The following USP31 variants were observed in gnomAD, a reference collection of about 807,000 sequenced individuals.
USP31 encodes ubiquitin specific peptidase 31.
USP31 carries 44 observed loss-of-function variants against 119.4 expected under a neutral mutation model. That is an observed-to-expected ratio of 0.37 (90% CI 0.29 to 0.47). The LOEUF (loss-of-function observed/expected upper bound fraction) is 0.47. Ranked by LOEUF, USP31 falls within the 20% of genes least tolerant of loss-of-function variation. The pLI, the probability that USP31 is intolerant of heterozygous loss-of-function variation, is 0.99. For synonymous variants in USP31, 749 were observed against 705.6 expected, an observed-to-expected ratio of 1.06 and a Z score of -0.97; for missense variants, 1,643 against 1,730.2, an observed-to-expected ratio of 0.95 and a Z score of 0.89.
chr16:23,104,068 C>T (rs903373184), intron 5 of USP31, among the ~76,000 whole-genome samples: 5 of 152,158 alleles, frequency 3.3e-5, no homozygotes, highest in South Asian at 2.1e-4. Context: ...GGTTCTGGTC[C>T]GGCCTGTCAT....
chr16:23,140,462 C>T (rs1422632016), intron 1 of USP31, among the ~76,000 whole-genome samples: 1 of 152,146 alleles, frequency 6.6e-6, no homozygotes, highest in Non-Finnish European at 1.5e-5. Flanking sequence ...AGCAAGAGTG[C>T]CAAGGCCGAG....
intron 1 of USP31, among the ~76,000 whole-genome samples, chr16:23,117,760 T>TTTTTTTTTTTTTTTG (rs1555468289): frequency 6.9e-6 from 1 of 145,014 alleles, no homozygotes; most frequent in Non-Finnish European, 1.5e-5. Context: ...TCTTTTTTTT[T>TTTTTTTTTTTTTTTG]TTGTTGTTGT....
chr16:23,117,968 T>C (rs1449692775), intron 1 of USP31, among the ~76,000 whole-genome samples: 2 of 152,284 alleles, frequency 1.3e-5, no homozygotes, highest in East Asian at 3.9e-4. Flanking sequence ...TTTGTATTTT[T>C]AGTAGAGATG....
intron 13 of USP31, among the ~76,000 whole-genome samples, chr16:23,074,709 C>T (rs1249219182): frequency 6.6e-6 from 1 of 152,140 alleles, no homozygotes; most frequent in South Asian, 2.1e-4. Flanking sequence ...AGCTCATGAA[C>T]GCAGGAGGAC....
chr16:23,113,914 G>A (rs1057419056), intron 1 of USP31, among the ~76,000 whole-genome samples: 4 of 152,180 alleles, frequency 2.6e-5, no homozygotes, highest in Non-Finnish European at 5.9e-5. Flanking sequence ...ATATCAGCCT[G>A]GCCAACATGG....
Position 23,105,563 on chromosome 16 carries a change from T to G in USP31, c.967A>C (p.Thr323Pro). 6.2e-7 allele frequency: 1 copy of G among 1,613,848 alleles called. No homozygotes were observed. The highest frequency in any genetic ancestry group is 8.5e-7 in the Non-Finnish European group (1 of 1,179,938). The part of the protein sequence containing the change: ...PLPHTRPLYV[T>P]VVYQGKCSHC... ...GAACATTTGCCTTGATACACTACAG[T>G]GACATAGAGAGGCCTGTACAGATCA... is the stretch of plus-strand genomic sequence containing the variant. The change falls in exon 5 of 16, where the codon ACT becomes CCT. Residue 323 changes from threonine to proline, a missense_variant. Coordinates refer to ENST00000219689, the MANE Select transcript of USP31 (RefSeq NM_020718.4).
intron 1 of USP31, among the ~76,000 whole-genome samples, chr16:23,111,463 G>C (rs8055059): frequency 0.28 from 42,785 of 152,090 alleles, 6,370 homozygotes; most frequent in Admixed American, 0.35. Context: ...GAAAGAGTTC[G>C]CGGAATGAGT....
In USP31 at chr16:23,069,292, C is replaced by G. The variant is rs748304118; in HGVS notation, c.2813G>C (p.Gly938Ala). 1.2e-6 allele frequency: 2 copies of G among 1,610,780 alleles called. No individual in the cohort carries two copies. Among genetic ancestry groups the G allele is most frequent in the Admixed American group, 3.3e-5 (2 of 59,862 alleles). The change falls in exon 16 of 16, where the codon GGC (glycine) becomes GCC (alanine). Residue 938 changes from glycine to alanine, a missense_variant. This residue lies in a region of USP31 where 699 missense variants were observed against 650.9 expected (regional missense o/e 1.07). Transcript: ENST00000219689. The stretch of plus-strand genomic sequence containing the variant: ...TTCCATGACAGCCAGAGGGGCCCGG[C>G]CCACAGCCTTGTGCTCACGGCGACT... Reference protein sequence around the residue: ...SHSRREHKAVGRAPLAVMEGV... With the variant: ...SHSRREHKAVARAPLAVMEGV...
intron 6 of USP31, among the ~76,000 whole-genome samples, chr16:23,100,432 T>C (rs1901798993): frequency 6.6e-6 from 1 of 152,190 alleles, no homozygotes; most frequent in Non-Finnish European, 1.5e-5. Flanking sequence ...TATTTTATTA[T>C]TCCATTTATA....
chr16:23,144,159 A>G (rs529995645), intron 1 of USP31, among the ~76,000 whole-genome samples: 21 of 152,330 alleles, frequency 1.4e-4, no homozygotes, highest in African/African-American at 4.8e-4. Context: ...AAAGGAAGAA[A>G]GAACTCTAAT....
chr16:23,102,352 TTTCG>T lies in USP31; in HGVS notation c.1197_1200del (p.Glu400TyrfsTer15). 1 of 1,614,076 alleles carries T rather than the reference TTTCG, an allele frequency of 6.2e-7. No homozygotes were observed. Among genetic ancestry groups the T allele is most frequent in the Non-Finnish European group, 8.5e-7 (1 of 1,179,948 alleles). Reference sequence around the variant, plus strand: ...CTGAGAATTCCTTCAGGCCTAAATATTTCGGGAGTCTCAAAGGCAAAAATGCAGT... The same window carrying T: ...CTGAGAATTCCTTCAGGCCTAAATATGGAGTCTCAAAGGCAAAAATGCAGT... On this transcript the variant is annotated frameshift_variant, in exon 6 of 16. Coordinates refer to ENST00000219689, the MANE Select transcript of USP31 (RefSeq NM_020718.4). LOFTEE classifies it high-confidence loss of function.
chr16:23,068,676 T>C lies in USP31; in HGVS notation c.3429A>G (p.Pro1143=), dbSNP rs966392612. ...ASGPATRSPF[P]PGKSRTSDHS... ...GGTCTGAAGTCCTGCTCTTCCCAGG[T>C]GGGAAAGGGCTCCTTGTGGCAGGGC... Residue 1143 remains proline (P), a synonymous_variant, in exon 16 of 16, where the codon CCA becomes CCG. Coordinates refer to ENST00000219689, the MANE Select transcript of USP31 (RefSeq NM_020718.4). 6.2e-7 allele frequency: 1 copy of C among 1,613,958 alleles called. No individual in the cohort carries two copies. Among genetic ancestry groups the C allele is most frequent in the African/African-American group, 1.3e-5 (1 of 74,874 alleles).
At chr16:23,140,971 C>G (rs1903336468) in intron 1 of USP31, among the ~76,000 whole-genome samples, 1 of 152,214 alleles carries the variant, frequency 6.6e-6, no homozygotes, top group African/African-American at 2.4e-5. Context: ...ATCCCTTTTA[C>G]CCAGTCCATC....
intron 1 of USP31, among the ~76,000 whole-genome samples, chr16:23,135,137 TAA>T (rs71151697): frequency 0.023 from 2,928 of 127,800 alleles, 40 homozygotes; most frequent in Middle Eastern, 0.11. Context: ...TTTCATGATT[TAA>T]AAAAAAAAAA....
intron 13 of USP31, among the ~76,000 whole-genome samples, chr16:23,075,280 T>C (rs1900519619): frequency 6.6e-6 from 1 of 151,732 alleles, no homozygotes; most frequent in Non-Finnish European, 1.5e-5. Flanking sequence ...AGCTGGGGAG[T>C]AGCTGCTCTT....
intron 1 of USP31, 65 bp downstream of exon 1, chr16:23,148,573 A>C: frequency 7.2e-7 from 1 of 1,397,664 alleles, no homozygotes; most frequent in Non-Finnish European, 9.2e-7. Context: ...GGGAAGGAAG[A>C]CCTGGGCGGG....
chr16:23,117,477 G>A (rs1488711533), intron 1 of USP31, among the ~76,000 whole-genome samples: 4 of 152,186 alleles, frequency 2.6e-5, no homozygotes, highest in Admixed American at 2.0e-4. Flanking sequence ...TAACTGACTC[G>A]TGAAACCACA....
chr16:23,105,515 C>T lies in USP31; in HGVS notation c.1015G>A (p.Ala339Thr). The T allele has an allele frequency of 1.2e-6, 2 of 1,614,122 alleles. No homozygotes were observed. Among genetic ancestry groups the T allele is most frequent in the South Asian group, 1.1e-5 (1 of 91,078 alleles). Residue 339 changes from alanine (A) to threonine (T), a missense_variant, in exon 5 of 16, where the codon GCC becomes ACC. This residue lies in a region of USP31 where 144 missense variants were observed against 218.0 expected (regional missense o/e 0.66). Coordinates refer to ENST00000219689, the MANE Select transcript of USP31 (RefSeq NM_020718.4). ...GCGACAGTCCCAGACAGAGGTACGG[C>T]CACACCAATCCTCATGCAGTGAGAA... ...KCSHCMRIGV[A>T]VPLSGTVARL... is the part of the protein sequence containing the mutation.
intron 13 of USP31, among the ~76,000 whole-genome samples, chr16:23,076,286 G>GT: frequency 7.4e-6 from 1 of 134,922 alleles, no homozygotes; most frequent in Non-Finnish European, 1.6e-5. Context: ...AAAAGTTGAT[G>GT]TTAAAAAAAA....
Sources: allele counts gnomAD v4.1 joint callset (sites outside exome capture counted in the v4.1 genomes callset), GRCh38; gene constraint gnomAD v4.1.1; regional missense constraint gnomAD v4.1.1; transcripts MANE v1.5; gene names NCBI Gene and HGNC (gene_info 2026-07-23, HGNC 2026-07-21).